The following ZNF254 variants were observed in gnomAD, a reference collection of about 807,000 sequenced individuals.
The protein encoded by ZNF254 is zinc finger protein 254.
ZNF254 carries 10 observed loss-of-function variants against 12.4 expected under a neutral mutation model. The ratio of observed to expected loss-of-function variants is 0.80; its 90% CI spans 0.50 to 1.36. ZNF254 has a LOEUF of 1.36. Among genes scored for constraint, ZNF254 ranks in the 40% most tolerant of loss-of-function variants. ZNF254 has a pLI of 0.00. For synonymous variants in ZNF254, 305 were observed against 253.4 expected, an observed-to-expected ratio of 1.20 and a Z score of -1.93; for missense variants, 996 against 763.9, an observed-to-expected ratio of 1.30 and a Z score of -3.58.
At chr19:24,050,213 G>C (rs1208094404) in intron 2 of ZNF254, among the ~76,000 whole-genome samples, 1 of 151,966 alleles carries the variant, frequency 6.6e-6, no homozygotes. Context: ...AGGATGGAGT[G>C]CAGTGGCGTG....
At position 24,126,786 on chromosome 19, in the gene ZNF254, A is replaced by C; in HGVS notation, c.786A>C (p.Gly262=). 2 of 1,613,312 alleles carry C rather than the reference A, an allele frequency of 1.2e-6. No homozygotes were observed. Among genetic ancestry groups the C allele is most frequent in the Middle Eastern group, 1.7e-4 (1 of 6,048 alleles). ...CTACACATGAAATAATTCATGCTGG[A>C]GAGAAACTCTACAAATGTGAAGAAT... ...TLTTHEIIHA[G]EKLYKCEECG... Residue 262 remains glycine, a synonymous_variant, in exon 4 of 4, where the codon GGA becomes GGC. Coordinates refer to ENST00000357002, the MANE Select transcript of ZNF254 (RefSeq NM_203282.4).
At chr19:24,068,054 A>G (rs1971342332) in intron 2 of ZNF254, among the ~76,000 whole-genome samples, 3 of 152,180 alleles carry the variant, frequency 2.0e-5, no homozygotes, top group Non-Finnish European at 2.9e-5. Flanking sequence ...ATCTGACATT[A>G]GGGGATGAGA....
At chr19:24,040,375 A>G (rs557666943) in intron 1 of ZNF254, among the ~76,000 whole-genome samples, 149 of 152,348 alleles carry the variant, frequency 9.8e-4, no homozygotes, top group African/African-American at 3.4e-3. Flanking sequence ...TTCTTTCTCA[A>G]TGAAACCAGT....
At chr19:24,106,425 T>C (rs778233847) in intron 2 of ZNF254, 123 bp from the exon 3 acceptor site, 2 of 708,618 alleles carry the variant, frequency 2.8e-6, no homozygotes, top group African/African-American at 1.9e-5. Flanking sequence ...ATTTCTGTTA[T>C]AAATTAGTGT....
chr19:24,070,851 C>T (rs1050685168), intron 2 of ZNF254, among the ~76,000 whole-genome samples: 13 of 152,180 alleles, frequency 8.5e-5, no homozygotes, highest in Non-Finnish European at 1.3e-4. Flanking sequence ...TGACATATCA[C>T]TGGTCCCTGC....
chr19:24,119,566 T>G (rs1389286106), intron 3 of ZNF254, among the ~76,000 whole-genome samples: 2 of 152,096 alleles, frequency 1.3e-5, no homozygotes, highest in Non-Finnish European at 2.9e-5. Context: ...CATGGCTCAC[T>G]GCAGCCTCAA....
chr19:24,043,550 CTG>C (rs1970258552), intron 1 of ZNF254, among the ~76,000 whole-genome samples: 1 of 152,206 alleles, frequency 6.6e-6, no homozygotes, highest in African/African-American at 2.4e-5. Context: ...GCATGAGCCA[CTG>C]TGCCCGGCCA....
intron 3 of ZNF254, among the ~76,000 whole-genome samples, chr19:24,113,929 T>G (rs1289945668): frequency 2.6e-5 from 4 of 152,154 alleles, no homozygotes; most frequent in African/African-American, 9.7e-5. Context: ...CATTCATAAT[T>G]GCTTCGAAGA....
intron 3 of ZNF254, chr19:24,107,214 A>G (rs184805747): frequency 1.5e-6 from 1 of 651,348 alleles, no homozygotes. Context: ...TGTCCATTTT[A>G]GGATTGGATT....
chr19:24,092,490 C>T (rs1972452311), intron 1 of ZNF254, among the ~76,000 whole-genome samples: 1 of 152,044 alleles, frequency 6.6e-6, no homozygotes, highest in African/African-American at 2.4e-5. Context: ...CCTCTTGTAC[C>T]TCAGCCTTCC....
chr19:24,075,095 G>A (rs932167141), intron 2 of ZNF254, among the ~76,000 whole-genome samples: 6 of 152,194 alleles, frequency 3.9e-5, no homozygotes, highest in Non-Finnish European at 7.3e-5. Flanking sequence ...AGGGTATTAT[G>A]AAATATCATT....
intron 2 of ZNF254, among the ~76,000 whole-genome samples, chr19:24,049,212 ATATTTT>A (rs1300862399): frequency 2.4e-5 from 1 of 42,250 alleles, no homozygotes; most frequent in African/African-American, 1.0e-4. Context: ...ATATATATAT[ATATTTT>A]TTTTTTTTTT....
chr19:24,124,250 C>T (rs1019074389), intron 3 of ZNF254, among the ~76,000 whole-genome samples: 13 of 151,876 alleles, frequency 8.6e-5, no homozygotes, highest in Middle Eastern at 3.4e-3. Context: ...TCTTATTATA[C>T]CTTCCCTCAA....
At chr19:24,079,321 C>G (rs1232840775) in intron 2 of ZNF254, 1 of 152,206 alleles carries the variant, frequency 6.6e-6, no homozygotes, top group East Asian at 1.9e-4. Context: ...GTCTTTTTTC[C>G]CACTAATACA....
intron 2 of ZNF254, among the ~76,000 whole-genome samples, chr19:24,049,230 T>TTTTTA (rs1555751754): frequency 8.3e-6 from 1 of 121,146 alleles, no homozygotes; most frequent in African/African-American, 3.2e-5. Context: ...TTTTTTTTTT[T>TTTTTA]AATTTATTTA....
intron 2 of ZNF254, among the ~76,000 whole-genome samples, chr19:24,077,749 G>A (rs1324928796): frequency 1.3e-5 from 2 of 152,178 alleles, no homozygotes; most frequent in Non-Finnish European, 2.9e-5. Context: ...GGCTGATGGA[G>A]TGGTTTTTTT....
At chr19:24,106,125 G>A in intron 2 of ZNF254, 59 bp downstream of exon 2, 1 of 1,500,832 alleles carries the variant, frequency 6.7e-7, no homozygotes, top group Non-Finnish European at 8.9e-7. Context: ...TTTTTCTTTA[G>A]AATGTTTTCT....
intron 2 of ZNF254, among the ~76,000 whole-genome samples, chr19:24,075,597 A>T (rs1008208121): frequency 1.3e-5 from 2 of 151,578 alleles, no homozygotes; most frequent in Non-Finnish European, 2.9e-5. Flanking sequence ...CACAAGGCAA[A>T]TGGGGGCAGA....
At chr19:24,081,415 A>G (rs1308573405) in intron 2 of ZNF254, among the ~76,000 whole-genome samples, 1 of 152,192 alleles carries the variant, frequency 6.6e-6, no homozygotes, top group African/African-American at 2.4e-5. Context: ...GACAGGGGAC[A>G]CTTATTGAAA....
Sources: allele counts gnomAD v4.1 joint callset (sites outside exome capture counted in the v4.1 genomes callset), GRCh38; gene constraint gnomAD v4.1.1; transcripts MANE v1.5; gene names NCBI Gene and HGNC (gene_info 2026-07-23, HGNC 2026-07-21).